MICU1: variants seen among roughly 807,000 people sequenced by gnomAD.
MICU1 encodes the protein calcium uptake protein 1, mitochondrial.
A neutral mutation model predicts 56.8 loss-of-function variants in MICU1; 45 were observed. That is an observed-to-expected ratio of 0.79 (90% CI 0.62 to 1.02). The LOEUF (loss-of-function observed/expected upper bound fraction) is 1.02. Ranked by LOEUF, MICU1 falls within the 50% of genes least tolerant of loss-of-function variation. The pLI is 0.00. For missense variants in MICU1, 504 were observed against 587.1 expected (o/e 0.86, Z 1.46); for synonymous variants, 186 against 195.1 (o/e 0.95, Z 0.39).
intron 10 of MICU1, among the ~76,000 whole-genome samples, chr10:72,400,776 T>C (rs2132087267): frequency 6.6e-6 from 1 of 152,104 alleles, no homozygotes; most frequent in African/African-American, 2.4e-5. Flanking sequence ...CTTCAAATCT[T>C]ATATCTTTGG....
At chr10:72,606,649 G>A (rs543774162) in intron 1 of MICU1, among the ~76,000 whole-genome samples, 1 of 151,810 alleles carries the variant, frequency 6.6e-6, no homozygotes, top group Non-Finnish European at 1.5e-5. Context: ...CAGCACCTAA[G>A]AACTTTGAAA....
intron 8 of MICU1, among the ~76,000 whole-genome samples, chr10:72,448,715 A>G (rs1865200265): frequency 6.6e-6 from 1 of 152,164 alleles, no homozygotes; most frequent in Non-Finnish European, 1.5e-5. Flanking sequence ...CAAAGGATCT[A>G]ATGGGCCACA....
intron 10 of MICU1, among the ~76,000 whole-genome samples, chr10:72,378,804 A>G (rs1361573326): frequency 6.6e-6 from 1 of 152,042 alleles, no homozygotes; most frequent in African/African-American, 2.4e-5. Context: ...TTTAGATTTA[A>G]TTTTCTCATG....
At chr10:72,392,323 C>A (rs1455491848) in intron 10 of MICU1, among the ~76,000 whole-genome samples, 3 of 152,100 alleles carry the variant, frequency 2.0e-5, no homozygotes, top group African/African-American at 4.8e-5. Context: ...GTAATCCTAG[C>A]ACTTTGGGAA....
intron 1 of MICU1, among the ~76,000 whole-genome samples, chr10:72,591,182 G>A (rs994988300): frequency 1.3e-5 from 2 of 152,120 alleles, no homozygotes; most frequent in Admixed American, 1.3e-4. Flanking sequence ...AACATACTTA[G>A]AGATGAATGA....
intron 8 of MICU1, among the ~76,000 whole-genome samples, chr10:72,442,052 T>A (rs532322630): frequency 6.6e-6 from 1 of 152,344 alleles, no homozygotes; most frequent in South Asian, 2.1e-4. Context: ...ACCTGTCTAA[T>A]AGAGGCAAAG....
At chr10:72,482,851 A>T (rs868393226) in intron 6 of MICU1, among the ~76,000 whole-genome samples, 110 of 132,582 alleles carry the variant, frequency 8.3e-4, no homozygotes, top group African/African-American at 2.8e-3. Flanking sequence ...ATATATATAT[A>T]TTTATTTATT....
intron 9 of MICU1, 104 bp downstream of exon 9, chr10:72,423,130 C>T: frequency 1.4e-6 from 2 of 1,438,550 alleles, no homozygotes; most frequent in Non-Finnish European, 1.9e-6. Context: ...TAGGTGTAAT[C>T]ATTGGTTCAT....
intron 5 of MICU1, chr10:72,524,122 CT>C: frequency 1.8e-6 from 1 of 545,760 alleles, no homozygotes; most frequent in Non-Finnish European, 2.6e-6. Flanking sequence ...CCAAATAAGA[CT>C]TTTTTGTTTT....
intron 8 of MICU1, among the ~76,000 whole-genome samples, chr10:72,457,945 G>A (rs555148344): frequency 1.3e-5 from 2 of 152,232 alleles, no homozygotes; most frequent in South Asian, 2.1e-4. Flanking sequence ...GAGGCGGGTG[G>A]ATCATCTGAG....
At chr10:72,591,285 C>T (rs1216347224) in intron 1 of MICU1, among the ~76,000 whole-genome samples, 1 of 151,770 alleles carries the variant, frequency 6.6e-6, no homozygotes, top group African/African-American at 2.4e-5. Context: ...CAAGAAAGAT[C>T]ACAGCTGAAC....
intron 6 of MICU1, among the ~76,000 whole-genome samples, chr10:72,490,496 G>A (rs942994652): frequency 9.9e-5 from 15 of 152,150 alleles, no homozygotes; most frequent in Admixed American, 2.6e-4. Context: ...ACTACCTGTG[G>A]AGCTTTGGAG....
chr10:72,566,100 A>G (rs12784366), intron 2 of MICU1, among the ~76,000 whole-genome samples: 85,665 of 144,008 alleles, frequency 0.59, 26,434 homozygotes, highest in Non-Finnish European at 0.68. Flanking sequence ...CTGGAGTACA[A>G]TGGCACAATC....
At chr10:72,508,325 T>G (rs375824131) in intron 5 of MICU1, 56 bp from the exon 6 acceptor site, 2 of 702,802 alleles carry the variant, frequency 2.8e-6, no homozygotes, top group African/African-American at 3.5e-5. Context: ...AATTAGAATA[T>G]AAATAGTAAG....
intron 5 of MICU1, chr10:72,533,222 T>C: frequency 1.1e-6 from 1 of 930,152 alleles, no homozygotes; most frequent in Non-Finnish European, 1.5e-6. Context: ...AGTCTCATTT[T>C]CTATACCTAA....
At chr10:72,460,353 C>T (rs1351344620) in intron 8 of MICU1, among the ~76,000 whole-genome samples, 1 of 152,152 alleles carries the variant, frequency 6.6e-6, no homozygotes, top group Non-Finnish European at 1.5e-5. Context: ...CTCTCTCTCT[C>T]TCCCACTCTC....
intron 1 of MICU1, among the ~76,000 whole-genome samples, chr10:72,584,236 T>A (rs59039451): frequency 0.021 from 3,271 of 152,144 alleles, 118 homozygotes; most frequent in African/African-American, 0.075. Flanking sequence ...GCCTTTTTAC[T>A]GCAACAATAA....
At chr10:72,590,057 G>A (rs1444073932) in intron 1 of MICU1, among the ~76,000 whole-genome samples, 2 of 151,796 alleles carry the variant, frequency 1.3e-5, no homozygotes, top group East Asian at 3.9e-4. Context: ...CTCCTTATCA[G>A]TAATTACTTT....
At chr10:72,580,529 T>G (rs1343888718) in intron 1 of MICU1, among the ~76,000 whole-genome samples, 1 of 152,130 alleles carries the variant, frequency 6.6e-6, no homozygotes, top group Non-Finnish European at 1.5e-5. Flanking sequence ...CAGGCTGGAG[T>G]GCAAAGGCAC....
Sources: gnomAD v4.1 joint callset for allele counts (sites outside exome capture counted in the v4.1 genomes callset) on GRCh38, gnomAD v4.1.1 for gene constraint, MANE v1.5 for transcripts, NCBI Gene and HGNC (gene_info 2026-07-23, HGNC 2026-07-21) for gene names.